CDH18: variants seen among roughly 807,000 people sequenced by gnomAD.
CDH18 encodes cadherin 18, also known as cadherin-18.
CDH18 carries 31 observed loss-of-function variants against 67.9 expected under a neutral mutation model. That is an observed-to-expected ratio of 0.46 (90% CI 0.34 to 0.62). The LOEUF (loss-of-function observed/expected upper bound fraction) is 0.62. Ranked by LOEUF, CDH18 falls within the 20% of genes least tolerant of loss-of-function variation. CDH18 has a pLI of 0.01. For missense variants in CDH18, 890 were observed against 975.5 expected, an observed-to-expected ratio of 0.91 and a Z score of 1.17; for synonymous variants, 362 against 347.2, an observed-to-expected ratio of 1.04 and a Z score of -0.48.
intron 2 of CDH18, among the ~76,000 whole-genome samples, chr5:20,147,847 A>T (rs1441744679): frequency 2.0e-5 from 3 of 152,110 alleles, no homozygotes; most frequent in Non-Finnish European, 4.4e-5. Flanking sequence ...TAGGAGGAAA[A>T]GGTTCTACTT....
intron 8 of CDH18, among the ~76,000 whole-genome samples, chr5:19,569,090 T>A (rs1190001305): frequency 1.3e-5 from 2 of 152,220 alleles, no homozygotes; most frequent in Non-Finnish European, 2.9e-5. Context: ...TTTCCTATCA[T>A]TGTTTTGGTT....
At chr5:20,141,213 G>A (rs757692962) in intron 2 of CDH18, among the ~76,000 whole-genome samples, 1 of 152,114 alleles carries the variant, frequency 6.6e-6, no homozygotes, top group South Asian at 2.1e-4. Flanking sequence ...TTGAAAACAC[G>A]AAAGTAGATC....
chr5:20,087,702 A>G (rs957541239), intron 2 of CDH18, among the ~76,000 whole-genome samples: 33 of 151,774 alleles, frequency 2.2e-4, no homozygotes, highest in African/African-American at 7.9e-4. Flanking sequence ...CGTTTTTTAA[A>G]TATGATGCTA....
At chr5:19,797,315 A>T (rs909651424) in intron 3 of CDH18, among the ~76,000 whole-genome samples, 1 of 151,988 alleles carries the variant, frequency 6.6e-6, no homozygotes, top group Non-Finnish European at 1.5e-5. Context: ...CCAACTTAGT[A>T]ACTTCTACTC....
At chr5:20,018,845 A>G (rs1738132478) in intron 2 of CDH18, among the ~76,000 whole-genome samples, 1 of 149,852 alleles carries the variant, frequency 6.7e-6, no homozygotes, top group Non-Finnish European at 1.5e-5. Context: ...CCCAGGCTGG[A>G]GTGCAGTGGC....
At chr5:20,284,963 T>C (rs901497122) in intron 1 of CDH18, among the ~76,000 whole-genome samples, 1 of 151,812 alleles carries the variant, frequency 6.6e-6, no homozygotes, top group Non-Finnish European at 1.5e-5. Context: ...TACATAGAAA[T>C]TAAGAATAAG....
At chr5:20,503,735 A>G (rs1197169537) in intron 1 of CDH18, among the ~76,000 whole-genome samples, 3 of 152,150 alleles carry the variant, frequency 2.0e-5, no homozygotes, top group African/African-American at 7.2e-5. Flanking sequence ...TGACATGTGC[A>G]TAGGCAAGAG....
In CDH18 at chr5:20,386,564, C is replaced by T. The variant is rs72745078; in HGVS notation, c.-579-131059G>A. Among the ~76,000 whole-genome samples, 808 of 152,054 alleles carry T rather than the reference C, an allele frequency of 5.3e-3. 7 individuals carry two copies. The highest frequency in any genetic ancestry group is 8.9e-3 in the Admixed American group (135 of 15,246). On this transcript the variant is annotated intron_variant, in intron 1 of 14. Transcript: ENST00000507958. Reference sequence around the variant, plus strand: ...ACATACGCCCCTTACATATGAAAACCGAGGCATGCATAACTTAAATAATAT... The same window carrying T: ...ACATACGCCCCTTACATATGAAAACTGAGGCATGCATAACTTAAATAATAT...
chr5:20,371,650 T>C (rs139090326), intron 1 of CDH18, among the ~76,000 whole-genome samples: 20 of 152,294 alleles, frequency 1.3e-4, no homozygotes, highest in Middle Eastern at 6.8e-3. Flanking sequence ...TTGTTTCTTT[T>C]AAGATGGGAG....
rs1735927725 is a variant in CDH18, at chr5:19,995,416, G to A, written c.-517-3402C>T. ...CAAATGTGTATCTGGTACAATAAATGTCTTAATGCAGCTAGGTAAAATATA... is the reference window on the plus strand; with the variant it reads ...CAAATGTGTATCTGGTACAATAAATATCTTAATGCAGCTAGGTAAAATATA... On this transcript the variant is annotated intron_variant, in intron 2 of 14. Coordinates refer to the CDH18 transcript ENST00000507958. Among the ~76,000 whole-genome samples, 4 of 151,914 alleles carry A rather than the reference G, an allele frequency of 2.6e-5. No individual in the cohort carries two copies. The South Asian group carries it at 8.3e-4, about 32-fold the overall frequency.
intron 1 of CDH18, among the ~76,000 whole-genome samples, chr5:20,435,539 A>C (rs1021053093): frequency 6.6e-6 from 1 of 151,954 alleles, no homozygotes; most frequent in Non-Finnish European, 1.5e-5. Context: ...CAGGTCCTAC[A>C]TCTGATATTG....
At chr5:19,835,765 G>A (rs909336832) in intron 3 of CDH18, among the ~76,000 whole-genome samples, 1 of 152,096 alleles carries the variant, frequency 6.6e-6, no homozygotes, top group Admixed American at 6.6e-5. Context: ...GAAAGACTAT[G>A]AGCGAGGTGT....
At chr5:19,644,668 TA>T (rs1042539071) in intron 5 of CDH18, among the ~76,000 whole-genome samples, 8 of 151,546 alleles carry the variant, frequency 5.3e-5, no homozygotes, top group Non-Finnish European at 1.0e-4. Context: ...ATATGGATCC[TA>T]AAAAAAAATT....
chr5:19,757,840 G>A (rs964244682), intron 3 of CDH18, among the ~76,000 whole-genome samples: 4 of 152,162 alleles, frequency 2.6e-5, no homozygotes, highest in South Asian at 2.1e-4. Context: ...GCACAACCAC[G>A]TGCACTGTTT....
chr5:19,644,036 A>G (rs1754407436), intron 5 of CDH18, among the ~76,000 whole-genome samples: 1 of 152,160 alleles, frequency 6.6e-6, no homozygotes, highest in Non-Finnish European at 1.5e-5. Context: ...CACTTCACTG[A>G]TGAGGAACAA....
At chr5:19,808,318 C>CAA (rs144547566) in intron 3 of CDH18, among the ~76,000 whole-genome samples, 55 of 133,330 alleles carry the variant, frequency 4.1e-4, no homozygotes, top group African/African-American at 1.3e-3. Flanking sequence ...ACAACAACAA[C>CAA]AAAAAAAAAA....
At chr5:19,506,114 C>A (rs1324308875) in intron 10 of CDH18, among the ~76,000 whole-genome samples, 1 of 143,728 alleles carries the variant, frequency 7.0e-6, no homozygotes, top group East Asian at 1.9e-4. Context: ...TATTCTTATA[C>A]ACACATAACA....
chr5:19,876,210 T>G (rs1786985154), intron 2 of CDH18, among the ~76,000 whole-genome samples: 1 of 152,244 alleles, frequency 6.6e-6, no homozygotes, highest in South Asian at 2.1e-4. Context: ...TGAAGAAATC[T>G]TATTGACAAA....
rs139564715 is a variant in CDH18 at position 20,097,301 on chromosome 5, C to T, written c.-517-105287G>A. ...ATCTATAAAGAAAAATAGGTTTAAT[C>T]GACTCACAGCTTGACATGGCTGGGG... On this transcript the variant is annotated intron_variant, in intron 2 of 14. Coordinates refer to the CDH18 transcript ENST00000507958. Among the ~76,000 whole-genome samples, 16 of 152,106 alleles carry T rather than the reference C, an allele frequency of 1.1e-4. No individual in the cohort carries two copies. The East Asian group carries it at 3.1e-3, about 29-fold the overall frequency.
Sources: allele counts gnomAD v4.1 joint callset (sites outside exome capture counted in the v4.1 genomes callset), GRCh38; gene constraint gnomAD v4.1.1; transcripts MANE v1.5; gene names NCBI Gene and HGNC (gene_info 2026-07-23, HGNC 2026-07-21).